Variants in NTRK3 observed in about 807,000 individuals in gnomAD.
NTRK3 encodes the protein NT-3 growth factor receptor.
Under a neutral mutation model 91.7 loss-of-function variants are expected in NTRK3, and 24 were observed. That is an observed-to-expected ratio of 0.26 (90% CI 0.19 to 0.37). The LOEUF is 0.37. NTRK3 is among the 10% of genes least tolerant of loss of function. The pLI is 1.00. For missense variants in NTRK3, 880 were observed against 1,068.9 expected, an observed-to-expected ratio of 0.82 and a Z score of 2.46; for synonymous variants, 483 against 404.0, an observed-to-expected ratio of 1.20 and a Z score of -2.34.
At chr15:87,965,392 G>A (rs938931933) in intron 14 of NTRK3, among the ~76,000 whole-genome samples, 4 of 152,178 alleles carry the variant, frequency 2.6e-5, no homozygotes, top group Admixed American at 6.5e-5. Context: ...CACAGATGGG[G>A]AGCCGGGAAG....
intron 14 of NTRK3, chr15:87,977,229 T>C (rs2141323735): frequency 6.0e-6 from 1 of 167,074 alleles, no homozygotes; most frequent in East Asian, 1.2e-4. Flanking sequence ...TGTGAACACC[T>C]TTGTAAACAA....
chr15:88,012,649 G>A (rs1401706577), intron 14 of NTRK3, among the ~76,000 whole-genome samples: 2 of 152,182 alleles, frequency 1.3e-5, no homozygotes, highest in Non-Finnish European at 2.9e-5. Context: ...CTTAATGGAT[G>A]CTCAATAAAT....
intron 3 of NTRK3, among the ~76,000 whole-genome samples, chr15:88,188,670 G>A (rs1048522709): frequency 6.6e-6 from 1 of 152,230 alleles, no homozygotes; most frequent in Non-Finnish European, 1.5e-5. Context: ...AGGTCACTGA[G>A]TCCAGGTGAG....
chr15:88,039,811 C>G (rs1411661895), intron 13 of NTRK3, among the ~76,000 whole-genome samples: 1 of 152,344 alleles, frequency 6.6e-6, no homozygotes, highest in South Asian at 2.1e-4. Flanking sequence ...ACACGTCCAC[C>G]CTACTGCTGT....
At chr15:88,132,724 A>AC (rs2041484928) in intron 10 of NTRK3, among the ~76,000 whole-genome samples, 1 of 152,082 alleles carries the variant, frequency 6.6e-6, no homozygotes, top group South Asian at 2.1e-4. Context: ...CTCTTCCTGC[A>AC]CCCCCAGATA....
chr15:87,866,434 T>C (rs1022718066), exon 19 of NTRK3: 9 of 166,724 alleles, frequency 5.4e-5, no homozygotes, highest in African/African-American at 2.2e-4. Context: ...TGTAAATATA[T>C]ATATATATAT....
intron 3 of NTRK3, among the ~76,000 whole-genome samples, chr15:88,215,390 G>T (rs1107292): frequency 2.0e-5 from 3 of 152,158 alleles, no homozygotes; most frequent in Non-Finnish European, 4.4e-5. Flanking sequence ...CCCTCGTGCA[G>T]ATATTCACTC....
At chr15:87,880,423 T>C in exon 18 of NTRK3, 1 of 1,614,014 alleles carries the variant, frequency 6.2e-7, no homozygotes, top group South Asian at 1.1e-5. Context: ...TGGTGTGTCC[T>C]CCCACCTAAA....
chr15:88,243,671 A>G lies in NTRK3; in HGVS notation c.248+12235T>C, dbSNP rs2052577081. On this transcript the variant is annotated intron_variant, in intron 3 of 18. Transcript: ENST00000394480. This position sits in a 1 kb window ranked among gnomAD's most constrained non-coding sequence, Gnocchi z 4.8. ...ACCAACCCCTACATTTCCCAGGTAA[A>G]CAAACTGAGGTTCAGAGATCTGGAG... Among the ~76,000 whole-genome samples the G allele has an allele frequency of 6.6e-6, 1 of 152,214 alleles. No individual in the cohort carries two copies. The highest frequency in any genetic ancestry group is 1.5e-5 in the Non-Finnish European group (1 of 68,042).
chr15:87,886,540 T>C (rs968713058), intron 17 of NTRK3, among the ~76,000 whole-genome samples: 1 of 151,056 alleles, frequency 6.6e-6, no homozygotes, highest in African/African-American at 2.4e-5. Context: ...AAAATGTATA[T>C]GTGGATACAG....
chr15:88,031,391 C>T (rs561532119), intron 14 of NTRK3, among the ~76,000 whole-genome samples: 2 of 152,286 alleles, frequency 1.3e-5, no homozygotes, highest in South Asian at 4.1e-4. Context: ...AGCTTGGACC[C>T]AGCTATCACC....
intron 13 of NTRK3, among the ~76,000 whole-genome samples, chr15:88,069,245 G>T (rs993149300): frequency 4.6e-5 from 7 of 152,124 alleles, no homozygotes; most frequent in African/African-American, 1.7e-4. Context: ...ATCCAAAGTG[G>T]CATCACCATA....
chr15:88,198,564 G>T (rs1231277161), intron 3 of NTRK3, among the ~76,000 whole-genome samples: 2 of 152,208 alleles, frequency 1.3e-5, no homozygotes, highest in Admixed American at 1.3e-4. Context: ...ATGTATGTAT[G>T]TAATCCTGTC....
intron 14 of NTRK3, among the ~76,000 whole-genome samples, chr15:88,008,842 T>C (rs1386922092): frequency 6.6e-6 from 1 of 152,202 alleles, no homozygotes; most frequent in Non-Finnish European, 1.5e-5. Flanking sequence ...TCCACCTCCA[T>C]GTTTAGCACC....
chr15:88,217,518 C>T (rs1014000682), intron 3 of NTRK3, among the ~76,000 whole-genome samples: 1 of 152,076 alleles, frequency 6.6e-6, no homozygotes, highest in Non-Finnish European at 1.5e-5. Context: ...AAACGCTGTC[C>T]GATTCCACTT....
At chr15:87,977,037 T>C (rs192827839) in intron 14 of NTRK3, among the ~76,000 whole-genome samples, 2 of 152,326 alleles carry the variant, frequency 1.3e-5, no homozygotes, top group Admixed American at 1.3e-4. Flanking sequence ...CTCAGTGGCC[T>C]GAGTAGTGTC....
chr15:88,083,500 G>A (rs1426516285), intron 13 of NTRK3, among the ~76,000 whole-genome samples: 1 of 152,140 alleles, frequency 6.6e-6, no homozygotes, highest in Non-Finnish European at 1.5e-5. Flanking sequence ...GGGATTATAG[G>A]CATGAGCCAC....
At chr15:88,111,041 G>A (rs779515827) in intron 13 of NTRK3, among the ~76,000 whole-genome samples, 1 of 152,138 alleles carries the variant, frequency 6.6e-6, no homozygotes, top group South Asian at 2.1e-4. Context: ...GATGGGGACT[G>A]GGCAAGAAGA....
chr15:87,864,536 G>A (rs1222111105), exon 19 of NTRK3: 1 of 229,528 alleles, frequency 4.4e-6, no homozygotes, highest in Non-Finnish European at 8.6e-6. Context: ...ATAGTGAAAT[G>A]AGCTTGTTCA....
Sources: allele counts gnomAD v4.1 joint callset (sites outside exome capture counted in the v4.1 genomes callset), GRCh38; gene constraint gnomAD v4.1.1; non-coding constraint Gnocchi (gnomAD v3.1); transcripts MANE v1.5; gene names NCBI Gene and HGNC (gene_info 2026-07-23, HGNC 2026-07-21).